Variants in SRBD1 observed in about 807,000 individuals in gnomAD.
SRBD1 encodes S1 RNA binding domain 1, also known as S1 RNA-binding domain-containing protein 1.
A neutral mutation model predicts 115.3 loss-of-function variants in SRBD1; 88 were observed. The observed-to-expected ratio is 0.76, with a 90% confidence interval of 0.64 to 0.91. The LOEUF is 0.91. Among genes scored for constraint, SRBD1 ranks in the 40% least tolerant of loss-of-function variants. The pLI, the probability that SRBD1 is intolerant of heterozygous loss-of-function variation, is 0.00. For missense variants in SRBD1, 1,385 were observed against 1,177.4 expected (o/e 1.18, Z -2.58); for synonymous variants, 509 against 407.7 (o/e 1.25, Z -2.99).
At chr2:45,431,585 T>A (rs145990861) in intron 16 of SRBD1, among the ~76,000 whole-genome samples, 5,034 of 151,666 alleles carry the variant, frequency 0.033, 281 homozygotes, top group African/African-American at 0.12. Flanking sequence ...TGAGAACACA[T>A]GGACAAAGGG....
chr2:45,494,431 C>G (rs1378269915), intron 14 of SRBD1, among the ~76,000 whole-genome samples: 1 of 151,304 alleles, frequency 6.6e-6, no homozygotes, highest in Non-Finnish European at 1.5e-5. Flanking sequence ...GAACTTAAAT[C>G]TTGGTAAATA....
At chr2:45,554,459 G>C (rs1672409113) in intron 10 of SRBD1, among the ~76,000 whole-genome samples, 1 of 152,130 alleles carries the variant, frequency 6.6e-6, no homozygotes, top group African/African-American at 2.4e-5. Flanking sequence ...AGTTAAAGTA[G>C]ACTGAGCAAA....
intron 14 of SRBD1, among the ~76,000 whole-genome samples, chr2:45,522,489 T>A (rs1671317080): frequency 6.6e-6 from 1 of 152,214 alleles, no homozygotes; most frequent in African/African-American, 2.4e-5. Flanking sequence ...GCCCAAAATC[T>A]GAGCACAAAC....
chr2:45,398,350 CAT>C (rs1331834024), intron 19 of SRBD1, among the ~76,000 whole-genome samples: 1 of 151,198 alleles, frequency 6.6e-6, no homozygotes, highest in Admixed American at 6.6e-5. Flanking sequence ...GCACCTCCTG[CAT>C]ATATGAGTAG....
chr2:45,424,216 G>A (rs932558567), intron 16 of SRBD1, among the ~76,000 whole-genome samples: 1 of 151,886 alleles, frequency 6.6e-6, no homozygotes, highest in African/African-American at 2.4e-5. Context: ...ACTGCATTTA[G>A]TTGCCTCATA....
At chr2:45,535,538 C>T (rs965933043) in intron 14 of SRBD1, among the ~76,000 whole-genome samples, 2 of 151,922 alleles carry the variant, frequency 1.3e-5, no homozygotes, top group African/African-American at 4.8e-5. Flanking sequence ...AGTTCATCTC[C>T]AAGCTTCCAC....
chr2:45,393,040 A>G lies in SRBD1; in HGVS notation c.2603T>C (p.Met868Thr). 6.2e-7 allele frequency: 1 copy of G among 1,614,084 alleles called. No homozygotes were observed. Residue 868 changes from methionine (M) to threonine (T), a missense_variant, in exon 20 of 21, where the codon ATG becomes ACG. Transcript: ENST00000263736. ...KINSFLEKEG[M>T]EKIAERLQTT... Reference sequence around the variant, plus strand: ...TTGCAATCTTTCTGCAATTTTCTCCATTCCTTCCTTTTCAAGGAATGAATT... The same window carrying G: ...TTGCAATCTTTCTGCAATTTTCTCCGTTCCTTCCTTTTCAAGGAATGAATT...
chr2:45,545,967 T>C (rs1672107576), intron 14 of SRBD1, among the ~76,000 whole-genome samples: 1 of 152,246 alleles, frequency 6.6e-6, no homozygotes, highest in Admixed American at 6.5e-5. Flanking sequence ...AACCATTCTT[T>C]TAGTTATTAG....
chr2:45,559,514 A>C (rs766097497), intron 10 of SRBD1, among the ~76,000 whole-genome samples: 1 of 152,188 alleles, frequency 6.6e-6, no homozygotes, highest in Non-Finnish European at 1.5e-5. Context: ...TGTTCTCATT[A>C]AACTACGCTG....
chr2:45,564,548 C>T (rs1672767680), intron 9 of SRBD1, among the ~76,000 whole-genome samples: 1 of 152,126 alleles, frequency 6.6e-6, no homozygotes, highest in African/African-American at 2.4e-5. Flanking sequence ...AAGAGTTCAG[C>T]AAAGTTGCAG....
chr2:45,524,937 T>C (rs765836283), intron 14 of SRBD1, among the ~76,000 whole-genome samples: 2 of 152,026 alleles, frequency 1.3e-5, no homozygotes, highest in Non-Finnish European at 2.9e-5. Context: ...GGCACAAGGA[T>C]AGACTTATAG....
intron 5 of SRBD1, among the ~76,000 whole-genome samples, chr2:45,583,791 C>A (rs1160191638): frequency 6.6e-6 from 1 of 152,134 alleles, no homozygotes; most frequent in African/African-American, 2.4e-5. Context: ...AGAAAAAGAT[C>A]TCTTAAGTTC....
At chr2:45,402,507 A>T (rs563332605) in intron 19 of SRBD1, among the ~76,000 whole-genome samples, 1 of 152,226 alleles carries the variant, frequency 6.6e-6, no homozygotes, top group African/African-American at 2.4e-5. Context: ...CTTGACATAC[A>T]TTTACCTGGT....
At position 45,575,241 on chromosome 2, in the gene SRBD1, GAATTTCACAAATCTC is replaced by G. The variant is rs1303156468; in HGVS notation, c.1073-533_1073-519del. On this transcript the variant is annotated intron_variant, in intron 7 of 20. Transcript: ENST00000263736. ...TTTTCACATTTTCAACGACCCATTT[GAATTTCACAAATCTC>G]AAAAGCACAAAACAAGAGTTTTCAT... Among the ~76,000 whole-genome samples the G allele has an allele frequency of 2.6e-5, 4 of 152,282 alleles. No homozygotes were observed. The East Asian group carries it at 7.7e-4, about 29-fold the overall frequency.
Position 45,605,426 on chromosome 2 carries a change from T to C in SRBD1, c.16A>G (p.Arg6Gly), listed in dbSNP as rs1214359958. The C allele has an allele frequency of 1.2e-6, 2 of 1,613,726 alleles. No homozygotes were observed. Among genetic ancestry groups the C allele is most frequent in the Non-Finnish European group, 1.7e-6 (2 of 1,179,996 alleles). Residue 6 changes from arginine (R) to glycine (G), a missense_variant, in exon 2 of 21, where the codon AGA becomes GGA. Transcript: ENST00000263736. Reference sequence around the variant, plus strand: ...TCCTGGACCTGTACTTTCGCTCTTCTTGGCAATGATGACATCTAGAAGAAA... The same window carrying C: ...TCCTGGACCTGTACTTTCGCTCTTCCTGGCAATGATGACATCTAGAAGAAA... MSSLP[R>G]RAKVQVQDVV... is the part of the protein sequence containing the mutation.
chr2:45,531,228 C>T (rs1489822753), intron 14 of SRBD1, among the ~76,000 whole-genome samples: 1 of 151,834 alleles, frequency 6.6e-6, no homozygotes, highest in Non-Finnish European at 1.5e-5. Context: ...ATTCAACTAA[C>T]TGACAAGTCC....
At chr2:45,405,651 T>C (rs534277822) in intron 19 of SRBD1, among the ~76,000 whole-genome samples, 5 of 152,098 alleles carry the variant, frequency 3.3e-5, no homozygotes, top group Non-Finnish European at 7.4e-5. Context: ...GCTTGAAGAA[T>C]ATATACATCT....
At chr2:45,558,437 TC>T in intron 10 of SRBD1, among the ~76,000 whole-genome samples, 1 of 152,336 alleles carries the variant, frequency 6.6e-6, no homozygotes. Flanking sequence ...TTAGAAATCC[TC>T]TTCATACTTA....
rs1035045181 is a variant in SRBD1 at position 45,389,006 on chromosome 2, C to T, written c.*304G>A. ...AGTAGAAGTTAAGCAATCTGTTATA[C>T]AAAATGCAAAAGGAGTTAAAGATAA... On this transcript the variant is annotated 3_prime_UTR_variant, in exon 21 of 21. Transcript: ENST00000263736. 7 of 295,050 alleles carry T rather than the reference C, an allele frequency of 2.4e-5. No homozygotes were observed. Among genetic ancestry groups the T allele is most frequent in the Non-Finnish European group, 4.4e-5 (7 of 158,858 alleles). 18.3% of individuals were successfully genotyped at this position (295,050 alleles called of 1,614,324 possible).
Sources: allele counts gnomAD v4.1 joint callset (sites outside exome capture counted in the v4.1 genomes callset), GRCh38; gene constraint gnomAD v4.1.1; transcripts MANE v1.5; gene names NCBI Gene and HGNC (gene_info 2026-07-23, HGNC 2026-07-21).